The following PES1 variants were observed in gnomAD, a reference collection of about 807,000 sequenced individuals.
PES1 encodes pescadillo ribosomal biogenesis factor 1.
Under a neutral mutation model 77.1 loss-of-function variants are expected in PES1, and 31 were observed. The observed-to-expected ratio is 0.40, with a 90% CI of 0.30 to 0.54. The LOEUF (loss-of-function observed/expected upper bound fraction) is 0.54. PES1 is among the 20% of genes least tolerant of loss of function. The probability of loss-of-function intolerance (pLI) is 0.45; values close to 1 mark genes in which losing one functional copy is unlikely to be tolerated. For synonymous variants in PES1, 282 were observed against 303.0 expected (o/e 0.93, Z 0.72); for missense variants, 658 against 771.7 (o/e 0.85, Z 1.75).
intron 2 of PES1, among the ~76,000 whole-genome samples, chr22:30,604,628 CA>C (rs755643349): frequency 0.027 from 569 of 21,442 alleles, 3 homozygotes; most frequent in African/African-American, 0.036. Flanking sequence ...GACCCTGTCT[CA>C]AAAAAAATAA....
rs748306040 is a variant in PES1, at chr22:30,584,415, C to T, written c.580G>A (p.Val194Ile). 2 of 1,612,666 alleles carry T rather than the reference C, an allele frequency of 1.2e-6. No homozygotes were observed. The highest frequency in any genetic ancestry group is 1.7e-6 in the Non-Finnish European group (2 of 1,179,348). ...SIKGIYYQAE[V>I]LGQPIVWITP... ...ATCCACACGATGGGCTGCCCCAGTA[C>T]CTCGGCCTGGTAGTAAATGCCTTTG... is the stretch of plus-strand genomic sequence containing the variant. The change falls in exon 6 of 15, where the codon GTA becomes ATA. Residue 194 changes from valine (V) to isoleucine (I), a missense_variant. Physicochemically the swap from Val to Ile is conservative, Grantham distance 29 (BLOSUM62 3). Transcript: ENST00000354694.
chr22:30,589,826 G>T (rs2087151670), intron 1 of PES1, among the ~76,000 whole-genome samples: 1 of 151,946 alleles, frequency 6.6e-6, no homozygotes, highest in Non-Finnish European at 1.5e-5. Flanking sequence ...CCACTACCAG[G>T]AGACTTATTA....
chr22:30,580,533 C>T (rs1357358249), intron 10 of PES1, 38 bp downstream of exon 10: 10 of 1,611,332 alleles, frequency 6.2e-6, no homozygotes, highest in Non-Finnish European at 6.8e-6. Context: ...AGAGCATGGC[C>T]GAACCAATGC....
rs779764761 is a variant in PES1 at position 30,584,716 on chromosome 22, A to T, written c.370T>A (p.Tyr124Asn). ...YKLDHIIKERYPTFIDALRDL... is the reference protein window; with the variant it reads ...YKLDHIIKERNPTFIDALRDL... ...CGCAGGGCATCGATGAACGTGGGATACCTGCATGGCCAGTGAGGCAGCACA... is the reference window on the plus strand; with the variant it reads ...CGCAGGGCATCGATGAACGTGGGATTCCTGCATGGCCAGTGAGGCAGCACA... Residue 124 changes from tyrosine (Y) to asparagine (N), a missense_variant and splice_region_variant, in exon 5 of 15, where the codon TAT becomes AAT. Physicochemically the swap from Tyr to Asn is moderately radical, Grantham distance 143. Transcript: ENST00000354694. 6.2e-7 allele frequency: 1 copy of T among 1,613,362 alleles called. No individual in the cohort carries two copies. Among genetic ancestry groups the T allele is most frequent in the Non-Finnish European group, 8.5e-7 (1 of 1,179,962 alleles).
intron 4 of PES1, among the ~76,000 whole-genome samples, chr22:30,586,385 T>A (rs1364879708): frequency 6.6e-6 from 1 of 152,078 alleles, no homozygotes; most frequent in African/African-American, 2.4e-5. Flanking sequence ...CACAGCCAGG[T>A]TGGATGAAGC....
rs775194848 is a variant in PES1, at chr22:30,589,238, G to T, written c.57C>A (p.Thr19=). The T allele has an allele frequency of 6.2e-7, 1 of 1,614,018 alleles. No homozygotes were observed. The highest frequency in any genetic ancestry group is 1.1e-5 in the South Asian group (1 of 91,020). ...GGAGCTTCTTCCGGGCTTTGTTCCGGGTGATGTAGTTGGTGGCCGAGCCTC... is the reference window on the plus strand; with the variant it reads ...GGAGCTTCTTCCGGGCTTTGTTCCGTGTGATGTAGTTGGTGGCCGAGCCTC... ...YERGSATNYI[T]RNKARKKLQL... is the part of the protein sequence containing the mutation. Residue 19 remains threonine (T), a synonymous_variant, in exon 2 of 15, where the codon ACC becomes ACA. Coordinates refer to ENST00000354694, the MANE Select transcript of PES1 (RefSeq NM_014303.4).
At chr22:30,600,936 T>G (rs2087345492) in intron 2 of PES1, among the ~76,000 whole-genome samples, 1 of 147,438 alleles carries the variant, frequency 6.8e-6, no homozygotes, top group African/African-American at 2.7e-5. Flanking sequence ...GCTGGATCGA[T>G]CTCTCTCTCT....
chr22:30,596,703 C>T (rs2146489078), upstream of PES1, among the ~76,000 whole-genome samples: 1 of 152,326 alleles, frequency 6.6e-6, no homozygotes, highest in African/African-American at 2.4e-5. Flanking sequence ...TGCTGGCAGC[C>T]CTCACAGCCC....
At chr22:30,601,612 C>T (rs907303571) in intron 2 of PES1, among the ~76,000 whole-genome samples, 3 of 152,134 alleles carry the variant, frequency 2.0e-5, no homozygotes, top group African/African-American at 7.2e-5. Flanking sequence ...CTGCGCCCAG[C>T]CTCATTCATG....
At chr22:30,579,393 C>T in intron 12 of PES1, 90 bp from the exon 13 acceptor site, 1 of 1,580,074 alleles carries the variant, frequency 6.3e-7, no homozygotes, top group Non-Finnish European at 8.6e-7. Flanking sequence ...CCTCTCTGAC[C>T]CTGCCGTCTT....
intron 2 of PES1, among the ~76,000 whole-genome samples, chr22:30,597,246 G>T (rs1032720844): frequency 2.0e-5 from 3 of 151,998 alleles, no homozygotes; most frequent in African/African-American, 7.2e-5. Flanking sequence ...GCTGAGGAGT[G>T]CGGGAGCATG....
chr22:30,581,187 G>A, intron 8 of PES1, 86 bp from the exon 9 acceptor site: 1 of 1,364,412 alleles, frequency 7.3e-7, no homozygotes. Context: ...TGACAGTCCT[G>A]GGCATCAGCA....
intron 14 of PES1, among the ~76,000 whole-genome samples, chr22:30,578,272 ACT>A (rs887008307): frequency 2.0e-5 from 3 of 152,058 alleles, no homozygotes; most frequent in African/African-American, 7.3e-5. Flanking sequence ...ACAGAGGAAG[ACT>A]CTGTCTCAAA....
intron 6 of PES1, 46 bp downstream of exon 6, chr22:30,584,319 T>C: frequency 5.0e-6 from 7 of 1,391,672 alleles, no homozygotes; most frequent in Non-Finnish European, 6.0e-6. Context: ...TCCATATCTG[T>C]CTAGGAGGCA....
rs764956167 is a variant in PES1 at position 30,588,152 on chromosome 22, T to C, written c.127A>G (p.Ile43Val). The C allele has an allele frequency of 1.9e-6, 3 of 1,614,166 alleles. No individual in the cohort carries two copies. The highest frequency in any genetic ancestry group is 2.5e-6 in the Non-Finnish European group (3 of 1,180,040). ...TTGTGTTTGGGTTCATGGGGATAAA[T>C]GCCCTTCAGAATGCACAGCCGCCTG... ...DFRRLCILKG[I>V]YPHEPKHKKK... Residue 43 changes from isoleucine (I) to valine (V), a missense_variant, in exon 3 of 15, where the codon ATT (isoleucine) becomes GTT (valine). By Grantham distance (29) the Ile-to-Val change is conservative. Transcript: ENST00000354694.
At chr22:30,600,933 C>G (rs1216645989) in intron 2 of PES1, among the ~76,000 whole-genome samples, 1 of 151,936 alleles carries the variant, frequency 6.6e-6, no homozygotes, top group African/African-American at 2.4e-5. Flanking sequence ...CTGGCTGGAT[C>G]GATCTCTCTC....
chr22:30,587,451 T>A, intron 3 of PES1, 56 bp from the exon 4 acceptor site: 5 of 1,355,110 alleles, frequency 3.7e-6, no homozygotes, highest in Non-Finnish European at 5.3e-6. Context: ...CTGGACAACT[T>A]CTTCCATGGA....
intron 2 of PES1, among the ~76,000 whole-genome samples, chr22:30,598,912 T>TTTTTGAGACGGAGTCTTGCTCTTTTTA (rs761643665): frequency 8.6e-6 from 1 of 116,414 alleles, no homozygotes; most frequent in African/African-American, 3.4e-5. Flanking sequence ...TTTTTTTTTT[T>TTTTTGAGACGGAGTCTTGCTCTTTTTA]TTGAGATGGA....
chr22:30,602,866 A>G (rs752573297), intron 2 of PES1, among the ~76,000 whole-genome samples: 6 of 152,020 alleles, frequency 3.9e-5, no homozygotes, highest in Non-Finnish European at 8.8e-5. Flanking sequence ...ATGTCTTACT[A>G]TTACACTAAT....
Sources: gnomAD v4.1 joint callset for allele counts (sites outside exome capture counted in the v4.1 genomes callset) on GRCh38, gnomAD v4.1.1 for gene constraint, MANE v1.5 for transcripts, NCBI Gene and HGNC (gene_info 2026-07-23, HGNC 2026-07-21) for gene names.